Variants in AUTS2 observed in about 807,000 individuals in gnomAD.
AUTS2 encodes the protein activator of transcription and developmental regulator AUTS2, also known as autism susceptibility gene 2 protein.
In AUTS2, 17 loss-of-function variants were observed where a neutral mutation model predicts 112.4. The ratio of observed to expected loss-of-function variants is 0.15; its 90% CI spans 0.10 to 0.23. The LOEUF is 0.23. AUTS2 is among the 10% of genes least tolerant of loss of function. The pLI is 1.00. For synonymous variants in AUTS2, 751 were observed against 702.7 expected (o/e 1.07, Z -1.09); for missense variants, 1,510 against 1,701.6 (o/e 0.89, Z 1.98).
chr7:69,728,096 A>G (rs1786605757), intron 1 of AUTS2, among the ~76,000 whole-genome samples: 1 of 151,972 alleles, frequency 6.6e-6, no homozygotes, highest in Non-Finnish European at 1.5e-5. Context: ...TATGCATAGG[A>G]GCTGATGTGG....
intron 4 of AUTS2, among the ~76,000 whole-genome samples, chr7:70,252,476 G>T (rs1467843494): frequency 1.3e-5 from 2 of 151,914 alleles, no homozygotes; most frequent in African/African-American, 2.4e-5. Flanking sequence ...AGTTATTTGA[G>T]TTCCTTATAT....
intron 4 of AUTS2, chr7:70,292,752 A>G (rs748324124): frequency 6.6e-6 from 1 of 152,142 alleles, no homozygotes; most frequent in Non-Finnish European, 1.5e-5. Context: ...TGCTAAACAG[A>G]TGATCCTTAA....
intron 6 of AUTS2, among the ~76,000 whole-genome samples, chr7:70,740,318 A>G (rs552419968): frequency 6.6e-6 from 1 of 152,276 alleles, no homozygotes; most frequent in East Asian, 1.9e-4. Context: ...TGCAGCTCCA[A>G]TTTTGTTTTT....
At chr7:70,245,144 G>GTGTGTATATATA (rs1233136341) in intron 4 of AUTS2, among the ~76,000 whole-genome samples, 1 of 108,998 alleles carries the variant, frequency 9.2e-6, no homozygotes, top group African/African-American at 4.2e-5. Flanking sequence ...GTGTGTGTGT[G>GTGTGTATATATA]TATATATATA....
intron 4 of AUTS2, among the ~76,000 whole-genome samples, chr7:70,227,323 A>AG (rs1414503851): frequency 6.9e-6 from 1 of 144,418 alleles, no homozygotes; most frequent in African/African-American, 2.7e-5. Flanking sequence ...TTAAAAAAAA[A>AG]AAAACAACCT....
At chr7:69,736,942 A>T (rs1013538960) in intron 1 of AUTS2, among the ~76,000 whole-genome samples, 8 of 152,228 alleles carry the variant, frequency 5.3e-5, no homozygotes, top group Non-Finnish European at 1.0e-4. Flanking sequence ...TTCAACATTT[A>T]AAGTCCAGGA....
intron 4 of AUTS2, among the ~76,000 whole-genome samples, chr7:70,203,817 A>G (rs1051511257): frequency 7.3e-5 from 11 of 151,616 alleles, no homozygotes; most frequent in Non-Finnish European, 1.3e-4. Context: ...TTTCAGTGCT[A>G]AAAACTAGAT....
chr7:70,694,385 C>T lies in AUTS2; in HGVS notation c.691-4184C>T, dbSNP rs1808940618. On this transcript the variant is annotated intron_variant, in intron 5 of 18. Transcript: ENST00000342771. The surrounding 1 kb of genome is among the most constrained non-coding windows in gnomAD (Gnocchi z 4.1). Reference sequence around the variant, plus strand: ...AAATCCAGACTCCCGGAGCGGCTCCCTCCAGCACCGCGGCGGGCCCAGGAC... The same window carrying T: ...AAATCCAGACTCCCGGAGCGGCTCCTTCCAGCACCGCGGCGGGCCCAGGAC... The T allele has an allele frequency of 6.7e-6, 1 of 148,710 alleles. No homozygotes were observed. Among genetic ancestry groups the T allele is most frequent in the African/African-American group, 2.5e-5 (1 of 40,718 alleles). The allele number at this position is 148,710 out of a possible 1,614,324, so 9.2% of individuals were successfully genotyped here.
At chr7:70,482,453 C>A (rs1393903034) in intron 5 of AUTS2, among the ~76,000 whole-genome samples, 2 of 152,174 alleles carry the variant, frequency 1.3e-5, no homozygotes, top group African/African-American at 4.8e-5. Flanking sequence ...AGAATCAATA[C>A]ATGTTAAGAC....
intron 6 of AUTS2, among the ~76,000 whole-genome samples, chr7:70,717,497 G>T (rs1212542859): frequency 6.6e-6 from 1 of 152,180 alleles, no homozygotes; most frequent in East Asian, 1.9e-4. Context: ...GAGGATGTGT[G>T]TATTTATATG....
intron 3 of AUTS2, among the ~76,000 whole-genome samples, chr7:70,131,306 G>A (rs1021588957): frequency 6.6e-6 from 1 of 152,096 alleles, no homozygotes; most frequent in African/African-American, 2.4e-5. Flanking sequence ...AAATAGCTGG[G>A]CACAGTATCG....
chr7:70,553,599 C>T (rs1182323557), intron 5 of AUTS2, among the ~76,000 whole-genome samples: 1 of 151,960 alleles, frequency 6.6e-6, no homozygotes, highest in Non-Finnish European at 1.5e-5. Flanking sequence ...TGAGCTAAAT[C>T]AAGTGAGAAC....
chr7:69,605,409 C>T (rs537713823), intron 1 of AUTS2, among the ~76,000 whole-genome samples: 1 of 152,302 alleles, frequency 6.6e-6, no homozygotes, highest in East Asian at 1.9e-4. Flanking sequence ...TGTTACCAAC[C>T]CCACCAGGAG....
intron 1 of AUTS2, among the ~76,000 whole-genome samples, chr7:69,785,425 A>G (rs1387268550): frequency 1.3e-5 from 2 of 152,244 alleles, no homozygotes; most frequent in East Asian, 1.9e-4. Context: ...CTCTCACTCA[A>G]AGTAGATGTT....
At chr7:70,600,336 T>C (rs34852970) in intron 5 of AUTS2, among the ~76,000 whole-genome samples, 15,927 of 152,196 alleles carry the variant, frequency 0.1, 1,287 homozygotes, top group African/African-American at 0.22. Flanking sequence ...AGTGCGGTGG[T>C]GCCATCTTGG....
chr7:70,118,245 T>TAA lies in AUTS2; in HGVS notation c.624+33_624+34dup, dbSNP rs11418386. On this transcript the variant is annotated intron_variant, in intron 3 of 18. Coordinates refer to ENST00000342771, the MANE Select transcript of AUTS2 (RefSeq NM_015570.4). ...AAAGGCTCAGTGATGTAAGTTTAAG[T>TAA]AAAAAAAAAAAAAAAAAAAAAATTA... 10,713 of 1,312,104 alleles carry TAA rather than the reference T, an allele frequency of 8.2e-3. 4 individuals are homozygous for TAA. The highest frequency in any genetic ancestry group is 0.018 in the South Asian group (1,040 of 59,382). The allele number at this position is 1,312,104 out of a possible 1,614,324, so 81.3% of individuals were successfully genotyped here.
intron 14 of AUTS2, among the ~76,000 whole-genome samples, chr7:70,781,037 A>G (rs1791035264): frequency 6.6e-6 from 1 of 152,120 alleles, no homozygotes; most frequent in South Asian, 2.1e-4. Context: ...TAAATAGGAT[A>G]TGGTTTTATT....
At chr7:70,197,139 C>T (rs1385423381) in intron 4 of AUTS2, among the ~76,000 whole-genome samples, 2 of 152,096 alleles carry the variant, frequency 1.3e-5, no homozygotes, top group African/African-American at 2.4e-5. Context: ...AAATTGTGCT[C>T]ATTTCTGTAT....
At chr7:70,312,214 T>G (rs932028344) in intron 4 of AUTS2, among the ~76,000 whole-genome samples, 1 of 152,176 alleles carries the variant, frequency 6.6e-6, no homozygotes, top group African/African-American at 2.4e-5. Context: ...AATCGTGTGC[T>G]TTTTCTGTGT....
Sources: allele counts gnomAD v4.1 joint callset (sites outside exome capture counted in the v4.1 genomes callset), GRCh38; gene constraint gnomAD v4.1.1; non-coding constraint Gnocchi (gnomAD v3.1); transcripts MANE v1.5; gene names NCBI Gene and HGNC (gene_info 2026-07-23, HGNC 2026-07-21).